TXLNA: variants seen among roughly 807,000 people sequenced by gnomAD.
TXLNA encodes the protein taxilin alpha, also known as alpha-taxilin.
A neutral mutation model predicts 61.4 loss-of-function variants in TXLNA; 9 were observed. The ratio of observed to expected loss-of-function variants is 0.15; its 90% CI spans 0.09 to 0.26. The LOEUF (loss-of-function observed/expected upper bound fraction) is 0.26. TXLNA is among the 10% of genes least tolerant of loss of function. The probability of loss-of-function intolerance (pLI) is 1.00; values close to 1 mark genes in which losing one functional copy is unlikely to be tolerated. For synonymous variants in TXLNA, 257 were observed against 267.7 expected (o/e 0.96, Z 0.39); for missense variants, 565 against 688.8 (o/e 0.82, Z 2.01).
intron 3 of TXLNA, 121 bp downstream of exon 3, chr1:32,181,698 C>A: frequency 2.0e-6 from 2 of 980,280 alleles, no homozygotes; most frequent in Non-Finnish European, 3.0e-6. Context: ...AGCAGCAAGT[C>A]ACTCTAGTCT....
At chr1:32,181,706 T>G (rs72666776) in intron 3 of TXLNA, 129 bp downstream of exon 3, 76,774 of 921,904 alleles carry the variant, frequency 0.083, 4,745 homozygotes, top group South Asian at 0.23. Context: ...GTCACTCTAG[T>G]CTAATCAAAG....
At chr1:32,182,661 C>CA (rs781479181) in intron 3 of TXLNA, among the ~76,000 whole-genome samples, 3,882 of 88,266 alleles carry the variant, frequency 0.044, 112 homozygotes, top group African/African-American at 0.12. Flanking sequence ...AACTCTGTCT[C>CA]AAAAAAAAAA....
chr1:32,185,390 T>G (rs111291621), intron 4 of TXLNA, among the ~76,000 whole-genome samples: 3,654 of 144,938 alleles, frequency 0.025, 125 homozygotes, highest in African/African-American at 0.079. Flanking sequence ...ATGTATGTAT[T>G]TATTTATTTA....
Position 32,194,105 on chromosome 1 carries a change from T to C in TXLNA, c.1292T>C (p.Met431Thr), listed in dbSNP as rs779725760. ...KIKKLEKETT[M>T]YRSRWESSNK... ...AAGAAGCTGGAGAAAGAAACCACCA[T>C]GTACCGGTCCCGGTGGGAGAGCAGC... is the stretch of plus-strand genomic sequence containing the variant. Residue 431 changes from methionine (M) to threonine (T), a missense_variant, in exon 10 of 11, where the codon ATG (methionine) becomes ACG (threonine). Met to Thr is a moderately conservative substitution (Grantham distance 81). Transcript: ENST00000373610. 1 of 1,613,794 alleles carries C rather than the reference T, an allele frequency of 6.2e-7. No individual in the cohort carries two copies. The highest frequency in any genetic ancestry group is 1.3e-5 in the African/African-American group (1 of 74,918).
At chr1:32,179,934 G>A (rs1217201354) in intron 1 of TXLNA, 158 bp downstream of exon 1, 1 of 153,582 alleles carries the variant, frequency 6.5e-6, no homozygotes, top group African/African-American at 2.4e-5. Flanking sequence ...AGGGCGCGCG[G>A]GGCGTGGGTG....
Position 32,195,767 on chromosome 1 carries a change from G to A in TXLNA, c.*572G>A, listed in dbSNP as rs1213000982. ...TGGGGATTTCCTGCCTGGAACAAGGGACCTGGAGAATGTTTTTGCGTGGGA... is the reference window on the plus strand; with the variant it reads ...TGGGGATTTCCTGCCTGGAACAAGGAACCTGGAGAATGTTTTTGCGTGGGA... On this transcript the variant is annotated 3_prime_UTR_variant, in exon 11 of 11. Coordinates refer to ENST00000373610, the MANE Select transcript of TXLNA (RefSeq NM_175852.4). 1 of 456,182 alleles carries A rather than the reference G, an allele frequency of 2.2e-6. No homozygotes were observed. The highest frequency in any genetic ancestry group is 4.4e-6 in the Non-Finnish European group (1 of 226,998). The allele number at this position is 456,182 out of a possible 1,614,324, so 28.3% of individuals were successfully genotyped here.
Position 32,195,565 on chromosome 1 carries a change from C to G in TXLNA, c.*370C>G. ...TCTCTGTCTGATTTGAGGCTCAGAC[C>G]CCTCCCTGCCCTTCAGAGCTCAAGA... On this transcript the variant is annotated 3_prime_UTR_variant, in exon 11 of 11. Coordinates refer to ENST00000373610, the MANE Select transcript of TXLNA (RefSeq NM_175852.4). The G allele has an allele frequency of 2.5e-6, 1 of 399,246 alleles. No individual in the cohort carries two copies. Among genetic ancestry groups the G allele is most frequent in the Non-Finnish European group, 4.8e-6 (1 of 208,880 alleles). The allele number at this position is 399,246 out of a possible 1,614,324, so 24.7% of individuals were successfully genotyped here. A position where few individuals can be genotyped will look rare whatever the true frequency, so the allele number is the denominator to read the frequency against.
At chr1:32,181,774 C>T (rs867398758) in intron 3 of TXLNA, among the ~76,000 whole-genome samples, 197 bp downstream of exon 3, 12 of 152,290 alleles carry the variant, frequency 7.9e-5, no homozygotes, top group Middle Eastern at 6.8e-3. Context: ...ACAAAGCCTT[C>T]TGGGTTTTGG....
chr1:32,190,073 GC>G lies in TXLNA; in HGVS notation c.790del (p.Arg264GlyfsTer10). 6.3e-7 allele frequency: 1 copy of G among 1,580,606 alleles called. No individual in the cohort carries two copies. Among genetic ancestry groups the G allele is most frequent in the Non-Finnish European group, 8.6e-7 (1 of 1,163,118 alleles). On this transcript the variant is annotated frameshift_variant, in exon 6 of 11. Coordinates refer to ENST00000373610, the MANE Select transcript of TXLNA (RefSeq NM_175852.4). LOFTEE classifies it high-confidence loss of function. ...RSLKEEGVQR[A>X]REEEEKRKEV... ...TGCCCAGGAAGAAGGTGTGCAGCGGGCCCGGGAGGAGGAGGAGAAGCGCAAG... is the reference window on the plus strand; with the variant it reads ...TGCCCAGGAAGAAGGTGTGCAGCGGGCCGGGAGGAGGAGGAGAAGCGCAAG...
chr1:32,189,966 G>A (rs1471540486), intron 5 of TXLNA, 89 bp from the exon 6 acceptor site: 10 of 1,377,974 alleles, frequency 7.3e-6, no homozygotes, highest in Non-Finnish European at 8.9e-6. Flanking sequence ...AGCAGGGAGG[G>A]CTGTTGGCAG....
chr1:32,197,935 T>C lies in TXLNA; in HGVS notation c.*2740T>C, dbSNP rs1643059942. On this transcript the variant is annotated 3_prime_UTR_variant, in exon 11 of 11. Transcript: ENST00000373610. The surrounding 1 kb of genome is among the most constrained non-coding windows in gnomAD (Gnocchi z 4.6). ...GGTTATTTAACCCTCCTCCACCCCA[T>C]CACGGTGGCCCTGAGGGCTGACCCG... is the stretch of plus-strand genomic sequence containing the variant. The C allele has an allele frequency of 6.6e-6, 1 of 152,280 alleles. No homozygotes were observed. The highest frequency in any genetic ancestry group is 2.4e-5 in the African/African-American group (1 of 41,462). The allele number at this position is 152,280 out of a possible 1,614,324, so 9.4% of individuals were successfully genotyped here. A position where few individuals can be genotyped will look rare whatever the true frequency, so the allele number is the denominator to read the frequency against.
At position 32,195,744 on chromosome 1, in the gene TXLNA, G is replaced by T. The variant is rs974163959; in HGVS notation, c.*549G>T. 2 of 456,248 alleles carry T rather than the reference G, an allele frequency of 4.4e-6. No individual in the cohort carries two copies. Among genetic ancestry groups the T allele is most frequent in the Non-Finnish European group, 8.8e-6 (2 of 227,026 alleles). The allele number at this position is 456,248 out of a possible 1,614,324, so 28.3% of individuals were successfully genotyped here. A position where few individuals can be genotyped will look rare whatever the true frequency, so the allele number is the denominator to read the frequency against. On this transcript the variant is annotated 3_prime_UTR_variant, in exon 11 of 11. Coordinates refer to ENST00000373610, the MANE Select transcript of TXLNA (RefSeq NM_175852.4). Reference sequence around the variant, plus strand: ...AGCCCTGGCAGGGCGCTCAGAGCTGGGGATTTCCTGCCTGGAACAAGGGAC... The same window carrying T: ...AGCCCTGGCAGGGCGCTCAGAGCTGTGGATTTCCTGCCTGGAACAAGGGAC...
At chr1:32,191,109 A>G (rs1642896107) in intron 6 of TXLNA, among the ~76,000 whole-genome samples, 1 of 151,642 alleles carries the variant, frequency 6.6e-6, no homozygotes, top group African/African-American at 2.4e-5. Flanking sequence ...AAAAAAAAAA[A>G]AAAAGCAGGA....
At position 32,181,685 on chromosome 1, in the gene TXLNA, C is replaced by G. The variant is rs1230210010; in HGVS notation, c.505+108C>G. 16 of 1,094,094 alleles carry G rather than the reference C, an allele frequency of 1.5e-5. No individual in the cohort carries two copies. In the East Asian group the frequency reaches 3.9e-4, roughly 27 times the overall value. The allele number at this position is 1,094,094 out of a possible 1,614,324, so 67.8% of individuals were successfully genotyped here. A position where few individuals can be genotyped will look rare whatever the true frequency, so the allele number is the denominator to read the frequency against. On this transcript the variant is annotated intron_variant, in intron 3 of 10. Transcript: ENST00000373610. ...GGATTCAAAGGAAAACGGTACTTCT[C>G]AGAGCAGCAAGTCACTCTAGTCTAA...
Position 32,190,167 on chromosome 1 carries a change from G to C in TXLNA, c.881G>C (p.Arg294Pro). Residue 294 changes from arginine (R) to proline (P), a missense_variant, in exon 6 of 11, where the codon CGC (arginine) becomes CCC (proline). Around this residue, in one of 2 missense-constraint regions of TXLNA, gnomAD observed 373 missense variants for 504.0 expected, o/e 0.74. Transcript: ENST00000373610. Reference protein sequence around the residue: ...IQLQMEQHNERNSKLRQENME... With the variant: ...IQLQMEQHNEPNSKLRQENME... Reference sequence around the variant, plus strand: ...CTGCAGATGGAACAGCACAATGAGCGCAACTCCAAGCTGCGCCAAGAGAAC... The same window carrying C: ...CTGCAGATGGAACAGCACAATGAGCCCAACTCCAAGCTGCGCCAAGAGAAC... 6.2e-7 allele frequency: 1 copy of C among 1,601,012 alleles called. No homozygotes were observed. The highest frequency in any genetic ancestry group is 8.5e-7 in the Non-Finnish European group (1 of 1,173,604).
rs1442079159 is a variant in TXLNA, at chr1:32,195,702, A to G, written c.*507A>G. Reference sequence around the variant, plus strand: ...CTCCTTTGATTCTCTAGACCTGGAAAAGGTGTCCCTAGGCAGAGCCCTGGC... The same window carrying G: ...CTCCTTTGATTCTCTAGACCTGGAAGAGGTGTCCCTAGGCAGAGCCCTGGC... On this transcript the variant is annotated 3_prime_UTR_variant, in exon 11 of 11. Transcript: ENST00000373610. 2.2e-6 allele frequency: 1 copy of G among 456,438 alleles called. No individual in the cohort carries two copies. Among genetic ancestry groups the G allele is most frequent in the East Asian group, 6.9e-5 (1 of 14,392 alleles). 28.3% of individuals were successfully genotyped at this position (456,438 alleles called of 1,614,324 possible).
chr1:32,186,310 C>T (rs923440355), intron 4 of TXLNA, among the ~76,000 whole-genome samples: 22 of 152,206 alleles, frequency 1.4e-4, no homozygotes, highest in African/African-American at 4.1e-4. Flanking sequence ...GAGGAGAGGA[C>T]GGGGCAGGTG....
chr1:32,188,016 G>A lies in TXLNA; in HGVS notation c.660G>A (p.Leu220=), dbSNP rs1642823177. 6.2e-7 allele frequency: 1 copy of A among 1,613,150 alleles called. No individual in the cohort carries two copies. Among genetic ancestry groups the A allele is most frequent in the African/African-American group, 1.3e-5 (1 of 74,920 alleles). Residue 220 remains leucine (L), a synonymous_variant, in exon 5 of 11, where the codon CTG becomes CTA. Transcript: ENST00000373610. The stretch of plus-strand genomic sequence containing the variant: ...TCCTACAGAAAAAGCAGAGCCAGCT[G>A]GTGCAAGAGAAGGACCACCTGCGCG... ...MKLLQKKQSQ[L]VQEKDHLRGE... is the part of the protein sequence containing the mutation.
At position 32,180,370 on chromosome 1, in the gene TXLNA, G is replaced by T. The variant is rs767589509; in HGVS notation, c.25G>T (p.Gly9Trp). 2 of 1,613,000 alleles carry T rather than the reference G, an allele frequency of 1.2e-6. No homozygotes were observed. Among genetic ancestry groups the T allele is most frequent in the East Asian group, 2.2e-5 (1 of 44,854 alleles). The stretch of plus-strand genomic sequence containing the variant: ...AATGAAGAACCAAGACAAAAAGAAC[G>T]GGGCTGCCAAACAATCCAATCCAAA... MKNQDKKN[G>W]AAKQSNPKSS... The change falls in exon 2 of 11, where the codon GGG becomes TGG. Residue 9 changes from glycine (G) to tryptophan (W), a missense_variant. This residue lies in a region of TXLNA where 192 missense variants were observed against 184.8 expected (regional missense o/e 1.04). Coordinates refer to ENST00000373610, the MANE Select transcript of TXLNA (RefSeq NM_175852.4).
Sources: allele counts gnomAD v4.1 joint callset (sites outside exome capture counted in the v4.1 genomes callset), GRCh38; gene constraint gnomAD v4.1.1; regional missense constraint gnomAD v4.1.1; non-coding constraint Gnocchi (gnomAD v3.1); transcripts MANE v1.5; gene names NCBI Gene and HGNC (gene_info 2026-07-23, HGNC 2026-07-21).